Variants in MYOM2 observed in about 807,000 individuals in gnomAD.
The protein encoded by MYOM2 is myomesin 2, also known as myomesin-2.
MYOM2 carries 254 observed loss-of-function variants against 187.6 expected under a neutral mutation model. The ratio of observed to expected loss-of-function variants is 1.35; its 90% confidence interval spans 1.22 to 1.50. MYOM2 has a LOEUF of 1.50. Ranked by LOEUF, MYOM2 falls within the 40% of genes most tolerant of loss-of-function variation. The pLI is 0.00. For missense variants in MYOM2, 2,796 were observed against 1,924.0 expected (o/e 1.45, Z -8.48); for synonymous variants, 981 against 753.8 (o/e 1.30, Z -4.94).
At chr8:2,112,672 C>T (rs1178987993) in intron 25 of MYOM2, among the ~76,000 whole-genome samples, 1 of 152,050 alleles carries the variant, frequency 6.6e-6, no homozygotes, top group Admixed American at 6.5e-5. Context: ...GGCCAGTTTG[C>T]TAATATTCGT....
intron 3 of MYOM2, among the ~76,000 whole-genome samples, chr8:2,054,561 G>C (rs1585820069): frequency 6.6e-6 from 1 of 152,356 alleles, no homozygotes; most frequent in East Asian, 1.9e-4. Flanking sequence ...GGGGTTGGCT[G>C]TGGGAGGAAT....
intron 16 of MYOM2, among the ~76,000 whole-genome samples, chr8:2,092,775 CT>C (rs1486314720): frequency 2.6e-5 from 4 of 151,724 alleles, no homozygotes; most frequent in African/African-American, 4.8e-5. Flanking sequence ...TTTTTTTCCC[CT>C]GACATAATTA....
At chr8:2,117,149 T>C (rs893096512) in intron 27 of MYOM2, among the ~76,000 whole-genome samples, 1 of 152,208 alleles carries the variant, frequency 6.6e-6, no homozygotes. Context: ...AAAACATTCA[T>C]TTTTATTATT....
At position 2,093,139 on chromosome 8, in the gene MYOM2, A is replaced by G. The variant is rs149551230; in HGVS notation, c.2003+619A>G. The stretch of plus-strand genomic sequence containing the variant: ...GCAGCTGTCAGAACCACCCTTGTGG[A>G]TAGATGATCAATTATGGCTCAGCCA... On this transcript the variant is annotated intron_variant, in intron 16 of 36. Transcript: ENST00000262113. 4.6e-5 allele frequency among the ~76,000 whole-genome samples: 7 copies of G among 152,316 alleles called. No individual in the cohort carries two copies. In the East Asian group the frequency reaches 1.4e-3, roughly 29 times the overall value.
chr8:2,077,081 G>A (rs748841014), intron 11 of MYOM2, among the ~76,000 whole-genome samples: 2 of 152,306 alleles, frequency 1.3e-5, no homozygotes, highest in South Asian at 4.1e-4. Context: ...GGAGGCCAAC[G>A]CGGGCGGATT....
Position 2,124,336 on chromosome 8 carries a change from A to C in MYOM2, c.3694+119A>C. On this transcript the variant is annotated intron_variant, in intron 31 of 36. Coordinates refer to ENST00000262113, the MANE Select transcript of MYOM2 (RefSeq NM_003970.4). The stretch of plus-strand genomic sequence containing the variant: ...GGAGCTGTGGTGCGTGTTCTGTGGG[A>C]GGCCCTGGATGGAAGGGCAGGGTGG... 3 of 1,028,892 alleles carry C rather than the reference A, an allele frequency of 2.9e-6. No individual in the cohort carries two copies. In the South Asian group the frequency reaches 4.4e-5, roughly 15 times the overall value. The allele number at this position is 1,028,892 out of a possible 1,614,324, so 63.7% of individuals were successfully genotyped here. A position where few individuals can be genotyped will look rare whatever the true frequency, so the allele number is the denominator to read the frequency against.
intron 21 of MYOM2, among the ~76,000 whole-genome samples, chr8:2,104,851 C>A (rs953387170): frequency 2.0e-5 from 3 of 152,178 alleles, no homozygotes; most frequent in Non-Finnish European, 2.9e-5. Context: ...AACCAACCAG[C>A]AGCCGTGGTT....
At chr8:2,139,958 G>A (rs1798217609) in intron 32 of MYOM2, among the ~76,000 whole-genome samples, 1 of 152,054 alleles carries the variant, frequency 6.6e-6, no homozygotes, top group Non-Finnish European at 1.5e-5. Flanking sequence ...ACCTTTAAGG[G>A]TACTGTTCAG....
intron 34 of MYOM2, 91 bp from the exon 35 acceptor site, chr8:2,142,284 C>T (rs778235297): frequency 2.4e-5 from 30 of 1,257,300 alleles, no homozygotes; most frequent in African/African-American, 5.9e-5. Flanking sequence ...TTTGCTTCAT[C>T]GCTAGTGAGC....
chr8:2,066,431 T>G (rs1819022064), intron 6 of MYOM2, among the ~76,000 whole-genome samples: 1 of 152,236 alleles, frequency 6.6e-6, no homozygotes, highest in African/African-American at 2.4e-5. Flanking sequence ...TTCTCTCATC[T>G]GCTGTGTTAT....
chr8:2,139,866 G>C (rs1443630724), intron 32 of MYOM2, among the ~76,000 whole-genome samples: 1 of 152,190 alleles, frequency 6.6e-6, no homozygotes, highest in Admixed American at 6.5e-5. Context: ...TAGAAGGCGG[G>C]AATGTATGAG....
At chr8:2,098,473 G>A (rs938369904) in intron 18 of MYOM2, among the ~76,000 whole-genome samples, 2 of 152,172 alleles carry the variant, frequency 1.3e-5, no homozygotes, top group African/African-American at 4.8e-5. Flanking sequence ...CCGCTCAGGG[G>A]ACAGTGCGTG....
At chr8:2,102,873 A>C in intron 21 of MYOM2, 92 bp downstream of exon 21, 1 of 1,027,392 alleles carries the variant, frequency 9.7e-7, no homozygotes, top group Non-Finnish European at 1.5e-6. Context: ...GTGTGGATAA[A>C]TGAGTGGGAG....
rs981232907 is a variant in MYOM2 at position 2,123,718 on chromosome 8, G to A, written c.3655+76G>A. The A allele has an allele frequency of 7.9e-6, 10 of 1,268,234 alleles. No individual in the cohort carries two copies. In the African/African-American group the frequency reaches 8.8e-5, roughly 11 times the overall value. 78.6% of individuals were successfully genotyped at this position (1,268,234 alleles called of 1,614,324 possible). A position where few individuals can be genotyped will look rare whatever the true frequency, so the allele number is the denominator to read the frequency against. ...AGGATGGGATGTATTCTGAAGGCAG[G>A]TCTATGTCTAGCCTCAGCTATAGCA... On this transcript the variant is annotated intron_variant, in intron 30 of 36. Coordinates refer to ENST00000262113, the MANE Select transcript of MYOM2 (RefSeq NM_003970.4).
rs192017261 is a variant in MYOM2, at chr8:2,105,814, T to C, written c.2735-428T>C. 3.9e-5 allele frequency among the ~76,000 whole-genome samples: 6 copies of C among 152,326 alleles called. No homozygotes were observed. The East Asian group carries it at 1.2e-3, about 29-fold the overall frequency. On this transcript the variant is annotated intron_variant, in intron 21 of 36. Transcript: ENST00000262113. ...TTTGGTGTAAGATGAGGTCTCTGCATTGGGTACCCCCTCGGCATTAGTCCG... is the reference window on the plus strand; with the variant it reads ...TTTGGTGTAAGATGAGGTCTCTGCACTGGGTACCCCCTCGGCATTAGTCCG...
intron 28 of MYOM2, among the ~76,000 whole-genome samples, chr8:2,121,382 C>G (rs1001095518): frequency 6.6e-6 from 1 of 152,070 alleles, no homozygotes; most frequent in Non-Finnish European, 1.5e-5. Flanking sequence ...TCCATGGGCT[C>G]TGATATCATC....
intron 16 of MYOM2, among the ~76,000 whole-genome samples, chr8:2,093,447 C>T (rs796892286): frequency 4.6e-5 from 7 of 152,230 alleles, no homozygotes; most frequent in African/African-American, 1.7e-4. Flanking sequence ...CCATGTAGTG[C>T]CTGCAATAGT....
At chr8:2,141,593 G>T (rs907526149) in intron 34 of MYOM2, among the ~76,000 whole-genome samples, 2 of 152,186 alleles carry the variant, frequency 1.3e-5, no homozygotes, top group African/African-American at 4.8e-5. Flanking sequence ...GAAGGTTTCT[G>T]TGTGGAGGAG....
chr8:2,064,386 A>G (rs959918524), intron 6 of MYOM2, among the ~76,000 whole-genome samples: 86 of 152,314 alleles, frequency 5.6e-4, no homozygotes, highest in African/African-American at 2.0e-3. Flanking sequence ...ACCCGTGCCC[A>G]CCGTGGGGGT....
Sources: allele counts gnomAD v4.1 joint callset (sites outside exome capture counted in the v4.1 genomes callset), GRCh38; gene constraint gnomAD v4.1.1; transcripts MANE v1.5; gene names NCBI Gene and HGNC (gene_info 2026-07-23, HGNC 2026-07-21).